The following CRPPA variants were observed in gnomAD, a reference collection of about 807,000 sequenced individuals.
CRPPA encodes CDP-L-ribitol pyrophosphorylase A.
Under a neutral mutation model 52.0 loss-of-function variants are expected in CRPPA, and 43 were observed. That is an observed-to-expected ratio of 0.83 (90% CI 0.65 to 1.07). The LOEUF (loss-of-function observed/expected upper bound fraction) is 1.07. Among genes scored for constraint, CRPPA ranks in the 50% least tolerant of loss-of-function variants. The pLI is 0.00. For synonymous variants in CRPPA, 250 were observed against 203.5 expected (o/e 1.23, Z -1.94); for missense variants, 629 against 551.7 (o/e 1.14, Z -1.40).
At chr7:16,262,143 T>C (rs1444118301) in intron 6 of CRPPA, 3 of 152,200 alleles carry the variant, frequency 2.0e-5, no homozygotes, top group Non-Finnish European at 4.4e-5. Context: ...CCTGAAAATA[T>C]GCCCTTTTAG....
intron 3 of CRPPA, among the ~76,000 whole-genome samples, chr7:16,352,003 G>C (rs1458575209): frequency 6.6e-6 from 1 of 152,024 alleles, no homozygotes; most frequent in African/African-American, 2.4e-5. Context: ...GCAGAGACTT[G>C]GAACCAACCC....
At chr7:16,331,879 G>T (rs1785559670) in intron 3 of CRPPA, among the ~76,000 whole-genome samples, 1 of 152,086 alleles carries the variant, frequency 6.6e-6, no homozygotes, top group South Asian at 2.1e-4. Flanking sequence ...CAAGTATAAT[G>T]GGAATATCTA....
At chr7:16,261,651 G>A (rs1032628075) in intron 6 of CRPPA, among the ~76,000 whole-genome samples, 2 of 151,712 alleles carry the variant, frequency 1.3e-5, no homozygotes, top group Admixed American at 6.6e-5. Context: ...TTTTGCTTAA[G>A]AATAGTTTAT....
intron 2 of CRPPA, among the ~76,000 whole-genome samples, chr7:16,378,678 A>G (rs1472657626): frequency 6.6e-6 from 1 of 150,644 alleles, no homozygotes; most frequent in African/African-American, 2.4e-5. Context: ...TCCCTGAGGA[A>G]TCGCCACACT....
chr7:16,324,119 A>G (rs534281176), intron 3 of CRPPA, among the ~76,000 whole-genome samples: 6 of 152,312 alleles, frequency 3.9e-5, no homozygotes, highest in Non-Finnish European at 7.4e-5. Flanking sequence ...CAGTTGACCA[A>G]ATGGATAGGA....
intron 9 of CRPPA, among the ~76,000 whole-genome samples, chr7:16,175,712 T>C (rs910993242): frequency 2.3e-4 from 35 of 152,184 alleles, no homozygotes; most frequent in Admixed American, 1.0e-3. Context: ...AAACAATGTC[T>C]TAATAATTAT....
At chr7:16,385,830 A>G (rs1219256133) in intron 2 of CRPPA, among the ~76,000 whole-genome samples, 1 of 152,176 alleles carries the variant, frequency 6.6e-6, no homozygotes, top group Non-Finnish European at 1.5e-5. Flanking sequence ...TTTGGCTGCC[A>G]TACACTCAAA....
chr7:16,394,550 A>G (rs1419236020), intron 2 of CRPPA, among the ~76,000 whole-genome samples: 2 of 152,180 alleles, frequency 1.3e-5, no homozygotes, highest in African/African-American at 4.8e-5. Context: ...TGTTCTAACT[A>G]TACCAGTAGT....
intron 9 of CRPPA, among the ~76,000 whole-genome samples, chr7:16,150,207 T>C (rs1783050507): frequency 6.6e-6 from 1 of 152,168 alleles, no homozygotes; most frequent in Admixed American, 6.5e-5. Flanking sequence ...AATGTTAGAT[T>C]TATCAGAAAC....
At chr7:16,413,590 T>C (rs1252605438) in intron 1 of CRPPA, among the ~76,000 whole-genome samples, 1 of 152,254 alleles carries the variant, frequency 6.6e-6, no homozygotes. Context: ...CTAATTCAAG[T>C]GATCAACCTT....
chr7:16,097,084 G>A (rs1781950432), intron 9 of CRPPA, among the ~76,000 whole-genome samples: 1 of 151,852 alleles, frequency 6.6e-6, no homozygotes, highest in African/African-American at 2.4e-5. Flanking sequence ...CCAAATTCCG[G>A]GAGCATTTCT....
chr7:16,418,787 T>C (rs990559118), intron 1 of CRPPA, among the ~76,000 whole-genome samples: 3 of 152,180 alleles, frequency 2.0e-5, no homozygotes, highest in Non-Finnish European at 2.9e-5. Context: ...GGGATTAAAA[T>C]TCAAGATGAG....
chr7:16,126,335 A>G (rs1782580814), intron 9 of CRPPA, among the ~76,000 whole-genome samples: 1 of 152,178 alleles, frequency 6.6e-6, no homozygotes, highest in African/African-American at 2.4e-5. Context: ...TAGAAGGAAA[A>G]AGGATTCCCA....
chr7:16,171,043 G>A (rs918832227), intron 9 of CRPPA, among the ~76,000 whole-genome samples: 10 of 152,230 alleles, frequency 6.6e-5, no homozygotes, highest in African/African-American at 2.4e-4. Flanking sequence ...AGGCTGAAGG[G>A]CTCCTCAAGC....
chr7:16,227,474 C>A (rs981837110), intron 8 of CRPPA, among the ~76,000 whole-genome samples: 14 of 151,808 alleles, frequency 9.2e-5, no homozygotes, highest in African/African-American at 3.4e-4. Flanking sequence ...ATTTACACTT[C>A]CCTGATGATT....
At chr7:16,387,055 A>T (rs28650242) in intron 2 of CRPPA, among the ~76,000 whole-genome samples, 1 of 58,088 alleles carries the variant, frequency 1.7e-5, no homozygotes, top group Non-Finnish European at 3.3e-5. Flanking sequence ...ATATATATAT[A>T]TATATATATA....
At chr7:16,396,746 G>C (rs774704814) in intron 2 of CRPPA, among the ~76,000 whole-genome samples, 1 of 152,212 alleles carries the variant, frequency 6.6e-6, no homozygotes, top group Non-Finnish European at 1.5e-5. Flanking sequence ...CGTATGACAT[G>C]ACTGATAGAA....
chr7:16,319,871 T>G lies in CRPPA; in HGVS notation c.685-11244A>C, dbSNP rs118049113. ...TAGATTAGGAAAGGAGATTTAGAGA[T>G]CAGACTGCTTAAACAGTTTTCAGCC... On this transcript the variant is annotated intron_variant, in intron 3 of 9. Coordinates refer to ENST00000407010, the MANE Select transcript of CRPPA (RefSeq NM_001101426.4). Among the ~76,000 whole-genome samples, 435 of 152,256 alleles carry G rather than the reference T, an allele frequency of 2.9e-3. 3 individuals are homozygous for G. The highest frequency in any genetic ancestry group is 0.02 in the East Asian group (104 of 5,164).
chr7:16,215,271 G>A (rs1782273053), intron 9 of CRPPA, among the ~76,000 whole-genome samples: 1 of 152,192 alleles, frequency 6.6e-6, no homozygotes, highest in Admixed American at 6.5e-5. Context: ...CAACTTGCTA[G>A]ACTCTTGTAT....
Sources: allele counts gnomAD v4.1 joint callset (sites outside exome capture counted in the v4.1 genomes callset), GRCh38; gene constraint gnomAD v4.1.1; transcripts MANE v1.5; gene names NCBI Gene and HGNC (gene_info 2026-07-23, HGNC 2026-07-21).